Variants in TEKT3 observed in about 807,000 individuals in gnomAD.
TEKT3 encodes the protein tektin 3, also known as tektin-3.
Under a neutral mutation model 49.8 loss-of-function variants are expected in TEKT3, and 49 were observed. The observed-to-expected ratio is 0.98, with a 90% CI of 0.78 to 1.25. The LOEUF (loss-of-function observed/expected upper bound fraction) is 1.25. Ranked by LOEUF, TEKT3 falls within the 50% of genes most tolerant of loss-of-function variation. The pLI is 0.00. For missense variants in TEKT3, 595 were observed against 629.5 expected (o/e 0.95, Z 0.59); for synonymous variants, 225 against 237.2 (o/e 0.95, Z 0.47).
intron 2 of TEKT3, among the ~76,000 whole-genome samples, chr17:15,332,139 G>A (rs552647818): frequency 6.6e-6 from 1 of 152,084 alleles, no homozygotes; most frequent in Non-Finnish European, 1.5e-5. Context: ...ATTGCAATGA[G>A]CTGAGATCGC....
intron 3 of TEKT3, among the ~76,000 whole-genome samples, chr17:15,329,801 G>A (rs1911643234): frequency 6.6e-6 from 1 of 152,176 alleles, no homozygotes; most frequent in African/African-American, 2.4e-5. Flanking sequence ...AGATGCTGTG[G>A]TAGAGAACTA....
chr17:15,317,449 G>A (rs187895131), intron 5 of TEKT3, among the ~76,000 whole-genome samples: 1 of 152,046 alleles, frequency 6.6e-6, no homozygotes, highest in Non-Finnish European at 1.5e-5. Flanking sequence ...CAGAAACCAC[G>A]TACAGTCATC....
intron 2 of TEKT3, among the ~76,000 whole-genome samples, chr17:15,339,366 C>G (rs975895350): frequency 6.6e-6 from 1 of 152,088 alleles, no homozygotes; most frequent in African/African-American, 2.4e-5. Flanking sequence ...AAGACATGTG[C>G]CCAAACAGAA....
At chr17:15,309,594 C>T (rs1436307041) in intron 7 of TEKT3, among the ~76,000 whole-genome samples, 1 of 152,146 alleles carries the variant, frequency 6.6e-6, no homozygotes. Context: ...TTCCTGGGTT[C>T]CCTTCCATGG....
chr17:15,339,427 G>A (rs542577085), intron 2 of TEKT3, among the ~76,000 whole-genome samples: 1 of 152,200 alleles, frequency 6.6e-6, no homozygotes, highest in East Asian at 1.9e-4. Context: ...GTTTGACTAG[G>A]TGCACTTAAT....
chr17:15,318,345 C>T (rs1260226329), intron 5 of TEKT3, among the ~76,000 whole-genome samples: 1 of 152,020 alleles, frequency 6.6e-6, no homozygotes, highest in Non-Finnish European at 1.5e-5. Context: ...AGTAAACGAC[C>T]ACTCATTACT....
At position 15,339,738 on chromosome 17, in the gene TEKT3, C is replaced by A. The variant is rs1314695075; in HGVS notation, c.-30+290G>T. 2.0e-5 allele frequency among the ~76,000 whole-genome samples: 3 copies of A among 152,304 alleles called. No individual in the cohort carries two copies. In the East Asian group the frequency reaches 5.8e-4, roughly 29 times the overall value. ...GGGGCAAGCATAGGCTTGAAGGGCTCACATACAAACCCCTTTAGTTCCTTT... is the reference window on the plus strand; with the variant it reads ...GGGGCAAGCATAGGCTTGAAGGGCTAACATACAAACCCCTTTAGTTCCTTT... On this transcript the variant is annotated intron_variant, in intron 2 of 8. Coordinates refer to ENST00000395930, the MANE Select transcript of TEKT3 (RefSeq NM_031898.3).
chr17:15,304,268 T>C lies in TEKT3; in HGVS notation c.1257-116A>G. ...CATTTTCTTTACTTTAGGATATATT[T>C]ATCAGCAAATGAGAGGTGCATGAAA... On this transcript the variant is annotated intron_variant, in intron 8 of 8. Transcript: ENST00000395930. The surrounding 1 kb of genome is among the most constrained non-coding windows in gnomAD (Gnocchi z 4.7). The C allele has an allele frequency of 1.0e-6, 1 of 967,352 alleles. No individual in the cohort carries two copies. The highest frequency in any genetic ancestry group is 2.5e-5 in the Admixed American group (1 of 40,450). The allele number at this position is 967,352 out of a possible 1,614,324, so 59.9% of individuals were successfully genotyped here. A position where few individuals can be genotyped will look rare whatever the true frequency, so the allele number is the denominator to read the frequency against.
chr17:15,316,950 G>A (rs1446100926), intron 5 of TEKT3, among the ~76,000 whole-genome samples: 1 of 152,204 alleles, frequency 6.6e-6, no homozygotes, highest in East Asian at 1.9e-4. Flanking sequence ...GCCCAAGATG[G>A]GAAGACCTTG....
At chr17:15,307,262 GA>G (rs1218308565) in intron 8 of TEKT3, among the ~76,000 whole-genome samples, 2 of 152,210 alleles carry the variant, frequency 1.3e-5, no homozygotes, top group African/African-American at 2.4e-5. Flanking sequence ...CTGACAGGGG[GA>G]TGGTAAATGC....
rs566201415 is a variant in TEKT3 at position 15,330,342 on chromosome 17, T to G, written c.579+665A>C. On this transcript the variant is annotated intron_variant, in intron 3 of 8. Transcript: ENST00000395930. Reference sequence around the variant, plus strand: ...TCCCTGCACAAATCTCAAGTCAAATTGTAATCCACAATGTTGGGGGTGGGG... The same window carrying G: ...TCCCTGCACAAATCTCAAGTCAAATGGTAATCCACAATGTTGGGGGTGGGG... 9.8e-5 allele frequency among the ~76,000 whole-genome samples: 15 copies of G among 152,286 alleles called. No homozygotes were observed. In the South Asian group the frequency reaches 2.9e-3, roughly 30 times the overall value.
At chr17:15,311,915 C>T (rs748787017) in intron 7 of TEKT3, among the ~76,000 whole-genome samples, 68 of 152,164 alleles carry the variant, frequency 4.5e-4, no homozygotes, top group Non-Finnish European at 6.6e-4. Flanking sequence ...TAACAGAAAA[C>T]ATTTCTACCA....
chr17:15,314,149 G>A lies in TEKT3; in HGVS notation c.816C>T (p.His272=). 1 of 1,614,220 alleles carries A rather than the reference G, an allele frequency of 6.2e-7. No individual in the cohort carries two copies. The highest frequency in any genetic ancestry group is 1.7e-5 in the Admixed American group (1 of 60,034). Residue 272 remains histidine (H), a synonymous_variant, in exon 6 of 9, where the codon CAC becomes CAT. Coordinates refer to ENST00000395930, the MANE Select transcript of TEKT3 (RefSeq NM_031898.3). ...CACCGTCTGATGTGTTGCGCAGGTG[G>A]TGGCATTTGTCGTCGATCCGGTAAG... The part of the protein sequence containing the change: ...QTAYRIDDKC[H]HLRNTSDGVG...
At chr17:15,334,297 C>T (rs549612484) in intron 2 of TEKT3, among the ~76,000 whole-genome samples, 45 of 152,294 alleles carry the variant, frequency 3.0e-4, no homozygotes, top group African/African-American at 1.1e-3. Flanking sequence ...CACAAGTGAT[C>T]CCCCACCTCA....
intron 4 of TEKT3, among the ~76,000 whole-genome samples, chr17:15,322,827 A>G (rs427531): frequency 0.16 from 24,287 of 152,190 alleles, 2,081 homozygotes; most frequent in African/African-American, 0.22. Flanking sequence ...CAGATATTTC[A>G]TTTCCACATA....
chr17:15,340,790 A>G (rs1047118802), intron 1 of TEKT3, among the ~76,000 whole-genome samples: 4 of 152,186 alleles, frequency 2.6e-5, no homozygotes, highest in African/African-American at 9.6e-5. Flanking sequence ...TGTGTGAAGT[A>G]TTTTATTTTA....
At chr17:15,318,210 C>T (rs1911100695) in intron 5 of TEKT3, among the ~76,000 whole-genome samples, 1 of 151,746 alleles carries the variant, frequency 6.6e-6, no homozygotes, top group South Asian at 2.1e-4. Context: ...AGGATGGTCT[C>T]GATCTCCTGA....
intron 2 of TEKT3, among the ~76,000 whole-genome samples, chr17:15,337,458 A>C (rs776004584): frequency 5.3e-5 from 8 of 152,250 alleles, no homozygotes; most frequent in Non-Finnish European, 1.0e-4. Flanking sequence ...TAAAAGGCAC[A>C]GATTATTAGA....
At chr17:15,312,593 C>T in intron 6 of TEKT3, 112 bp from the exon 7 acceptor site, 1 of 838,044 alleles carries the variant, frequency 1.2e-6, no homozygotes, top group Non-Finnish European at 1.8e-6. Context: ...CTGATCCTAG[C>T]TTCATTATAT....
Sources: gnomAD v4.1 joint callset for allele counts (sites outside exome capture counted in the v4.1 genomes callset) on GRCh38, gnomAD v4.1.1 for gene constraint, Gnocchi (gnomAD v3.1) non-coding constraint, MANE v1.5 for transcripts, NCBI Gene and HGNC (gene_info 2026-07-23, HGNC 2026-07-21) for gene names.